Variants in MACROD2 observed in about 807,000 individuals in gnomAD.
MACROD2 encodes the protein mono-ADP ribosylhydrolase 2.
MACROD2 carries 36 observed loss-of-function variants against 70.4 expected under a neutral mutation model. That is an observed-to-expected ratio of 0.51 (90% CI 0.39 to 0.68). MACROD2 has a LOEUF of 0.68. MACROD2 is among the 30% of genes least tolerant of loss of function. MACROD2 has a pLI of 0.00. For missense variants in MACROD2, 496 were observed against 538.4 expected, an observed-to-expected ratio of 0.92 and a Z score of 0.78; for synonymous variants, 172 against 178.8, an observed-to-expected ratio of 0.96 and a Z score of 0.30.
chr20:15,399,942 TC>T (rs1317275601), intron 6 of MACROD2, among the ~76,000 whole-genome samples: 11 of 152,150 alleles, frequency 7.2e-5, no homozygotes, highest in African/African-American at 2.7e-4. Flanking sequence ...ATTGTTTCAA[TC>T]CCCTTTGCTG....
At chr20:14,655,830 G>T (rs994346357) in intron 4 of MACROD2, among the ~76,000 whole-genome samples, 2 of 152,110 alleles carry the variant, frequency 1.3e-5, no homozygotes, top group Admixed American at 1.3e-4. Context: ...AGCATTTCAG[G>T]TATGAGTTAA....
At chr20:15,244,967 T>A (rs1028637251) in intron 6 of MACROD2, among the ~76,000 whole-genome samples, 12 of 152,178 alleles carry the variant, frequency 7.9e-5, no homozygotes, top group Non-Finnish European at 1.8e-4. Context: ...AAATTCAAGA[T>A]CAGCAGAACT....
intron 4 of MACROD2, among the ~76,000 whole-genome samples, chr20:14,651,497 C>G (rs1362448709): frequency 6.6e-6 from 1 of 152,126 alleles, no homozygotes; most frequent in Non-Finnish European, 1.5e-5. Flanking sequence ...TAAATACAAC[C>G]AAGGTTATAT....
intron 2 of MACROD2, among the ~76,000 whole-genome samples, chr20:14,055,507 C>CAAAAAAA (rs4052606): frequency 9.7e-6 from 1 of 103,214 alleles, no homozygotes; most frequent in Non-Finnish European, 2.1e-5. Flanking sequence ...GTTTCAGGAG[C>CAAAAAAA]AAAAAAAAAA....
intron 6 of MACROD2, among the ~76,000 whole-genome samples, chr20:15,303,050 G>A (rs570514373): frequency 2.4e-4 from 36 of 152,294 alleles, no homozygotes; most frequent in African/African-American, 8.7e-4. Flanking sequence ...GTAAATAGTA[G>A]CTGCTGTTAA....
intron 3 of MACROD2, among the ~76,000 whole-genome samples, chr20:14,206,656 CTTTTTTTT>C (rs566729087): frequency 7.7e-6 from 1 of 130,358 alleles, no homozygotes; most frequent in Non-Finnish European, 1.6e-5. Flanking sequence ...TCCCATGAGG[CTTTTTTTT>C]TTTTTTAAGT....
At chr20:14,581,008 T>C (rs1011613683) in intron 4 of MACROD2, among the ~76,000 whole-genome samples, 2 of 152,104 alleles carry the variant, frequency 1.3e-5, no homozygotes, top group African/African-American at 4.8e-5. Flanking sequence ...ATAAAACGAG[T>C]AACTATAATA....
chr20:14,329,359 A>C (rs2082792869), intron 3 of MACROD2: 1 of 152,134 alleles, frequency 6.6e-6, no homozygotes. Flanking sequence ...ATGAACTATT[A>C]ATAATGAACT....
At position 15,554,561 on chromosome 20, in the gene MACROD2, AG is replaced by A. The variant is rs1325078656; in HGVS notation, c.645+54715del. ...CCTATTTGGCCAAAAAAAAAAAAAAAGAAATATCAAATTATATAATATTCAT... is the reference window on the plus strand; with the variant it reads ...CCTATTTGGCCAAAAAAAAAAAAAAAAAATATCAAATTATATAATATTCAT... On this transcript the variant is annotated intron_variant, in intron 8 of 17. Coordinates refer to ENST00000684519, the MANE Select transcript of MACROD2 (RefSeq NM_001351661.2). Among the ~76,000 whole-genome samples the A allele has an allele frequency of 2.0e-5, 3 of 151,726 alleles. No individual in the cohort carries two copies. The East Asian group carries it at 5.8e-4, about 29-fold the overall frequency.
Position 14,504,545 on chromosome 20 carries a change from A to AT in MACROD2, c.301+11043dup, listed in dbSNP as rs78179332. On this transcript the variant is annotated intron_variant, in intron 4 of 17. Coordinates refer to ENST00000684519, the MANE Select transcript of MACROD2 (RefSeq NM_001351661.2). ...TATGTCTCTAAACCTTCTTATTCTGATTTTTTCTGGGCAACAGATTTTCTT... is the reference window on the plus strand; with the variant it reads ...TATGTCTCTAAACCTTCTTATTCTGATTTTTTTCTGGGCAACAGATTTTCTT... 1.4e-4 allele frequency among the ~76,000 whole-genome samples: 22 copies of AT among 152,092 alleles called. No homozygotes were observed. In the East Asian group the frequency reaches 4.2e-3, roughly 29 times the overall value.
intron 3 of MACROD2, among the ~76,000 whole-genome samples, chr20:14,255,527 G>C (rs1306811552): frequency 2.0e-5 from 3 of 150,742 alleles, no homozygotes; most frequent in Non-Finnish European, 4.4e-5. Flanking sequence ...ACACACCGGG[G>C]CCTGTTGTGG....
rs1379135893 is a variant in MACROD2, at chr20:13,995,854, G to A, written c.46+45G>A. On this transcript the variant is annotated intron_variant, in intron 1 of 17. Coordinates refer to ENST00000684519, the MANE Select transcript of MACROD2 (RefSeq NM_001351661.2). The surrounding 1 kb of genome is among the most constrained non-coding windows in gnomAD (Gnocchi z 4.3). Reference sequence around the variant, plus strand: ...CTGGGGGTGCGGGCGGTGGGGGTTAGGGTGGGGGCGGGGGTCAGGCTGTGT... The same window carrying A: ...CTGGGGGTGCGGGCGGTGGGGGTTAAGGTGGGGGCGGGGGTCAGGCTGTGT... 1 of 1,480,078 alleles carries A rather than the reference G, an allele frequency of 6.8e-7. No individual in the cohort carries two copies. The highest frequency in any genetic ancestry group is 1.4e-5 in the African/African-American group (1 of 71,226). 91.7% of individuals were successfully genotyped at this position (1,480,078 alleles called of 1,614,324 possible).
chr20:14,351,079 G>C (rs1404729593), intron 3 of MACROD2, among the ~76,000 whole-genome samples: 1 of 152,124 alleles, frequency 6.6e-6, no homozygotes, highest in Non-Finnish European at 1.5e-5. Flanking sequence ...ATTTCTTTCT[G>C]GGTTCTCTAT....
At chr20:14,629,436 A>C (rs1301275307) in intron 4 of MACROD2, among the ~76,000 whole-genome samples, 2 of 152,212 alleles carry the variant, frequency 1.3e-5, no homozygotes, top group East Asian at 3.9e-4. Context: ...TAACCCTTTA[A>C]ACATTAAAAT....
chr20:15,082,385 AAAAAGAT>A (rs2075710704), intron 5 of MACROD2, among the ~76,000 whole-genome samples: 1 of 152,152 alleles, frequency 6.6e-6, no homozygotes, highest in Non-Finnish European at 1.5e-5. Flanking sequence ...GTCATAGAGG[AAAAAGAT>A]AATATAGAAT....
chr20:14,175,114 C>T (rs2081253415), intron 3 of MACROD2, among the ~76,000 whole-genome samples: 1 of 152,152 alleles, frequency 6.6e-6, no homozygotes, highest in Non-Finnish European at 1.5e-5. Context: ...TATGTTCCTG[C>T]CATAGTTCTT....
intron 8 of MACROD2, among the ~76,000 whole-genome samples, chr20:15,640,384 G>GAGTGACAAGAGTTGGGA (rs2049441453): frequency 6.6e-6 from 1 of 152,182 alleles, no homozygotes; most frequent in South Asian, 2.1e-4. Context: ...TACAGACGCA[G>GAGTGACAAGAGTTGGGA]AGTGACAAGA....
intron 5 of MACROD2, among the ~76,000 whole-genome samples, chr20:14,925,031 A>G (rs1022289220): frequency 6.8e-6 from 1 of 146,934 alleles, no homozygotes; most frequent in Non-Finnish European, 1.5e-5. Context: ...TTTTTTTCTT[A>G]TTCACTTCTC....
At chr20:14,875,965 G>A (rs901096408) in intron 5 of MACROD2, among the ~76,000 whole-genome samples, 2 of 151,888 alleles carry the variant, frequency 1.3e-5, no homozygotes, top group Admixed American at 1.3e-4. Context: ...AACAATTATT[G>A]TCCTCTGGTT....
Sources: gnomAD v4.1 joint callset for allele counts (sites outside exome capture counted in the v4.1 genomes callset) on GRCh38, gnomAD v4.1.1 for gene constraint, Gnocchi (gnomAD v3.1) non-coding constraint, MANE v1.5 for transcripts, NCBI Gene and HGNC (gene_info 2026-07-23, HGNC 2026-07-21) for gene names.